Variants in TRIM62 observed in about 807,000 individuals in gnomAD.
TRIM62 encodes tripartite motif containing 62, also known as E3 ubiquitin-protein ligase TRIM62.
A neutral mutation model predicts 44.2 loss-of-function variants in TRIM62; 39 were observed. The observed-to-expected ratio is 0.88, with a 90% CI of 0.68 to 1.15. The LOEUF (loss-of-function observed/expected upper bound fraction) is 1.15, where lower values mean the gene tolerates loss of function less well. TRIM62 is among the 50% of genes most tolerant of loss of function. The pLI is 0.00. For synonymous variants in TRIM62, 278 were observed against 292.3 expected, an observed-to-expected ratio of 0.95 and a Z score of 0.50; for missense variants, 544 against 665.5, an observed-to-expected ratio of 0.82 and a Z score of 2.01.
At chr1:33,172,552 G>C (rs990689209) in intron 1 of TRIM62, among the ~76,000 whole-genome samples, 1 of 152,170 alleles carries the variant, frequency 6.6e-6, no homozygotes, top group Non-Finnish European at 1.5e-5. Context: ...TCGGAGCGGG[G>C]GTGGGCCGGG....
intron 1 of TRIM62, among the ~76,000 whole-genome samples, chr1:33,179,791 A>G (rs956036538): frequency 1.3e-5 from 2 of 152,232 alleles, no homozygotes; most frequent in African/African-American, 4.8e-5. Context: ...TAGCTTGAAA[A>G]AAGGATTCCA....
At chr1:33,151,199 G>A (rs1178782280) in intron 4 of TRIM62, among the ~76,000 whole-genome samples, 2 of 152,134 alleles carry the variant, frequency 1.3e-5, no homozygotes, top group East Asian at 3.8e-4. Context: ...AGGAAATCCT[G>A]ACCCAGTGAA....
Position 33,165,808 on chromosome 1 carries a change from A to C in TRIM62, c.409-242T>G, listed in dbSNP as rs1175737940. The C allele has an allele frequency of 2.8e-6, 1 of 362,952 alleles. No individual in the cohort carries two copies. The highest frequency in any genetic ancestry group is 5.0e-6 in the Non-Finnish European group (1 of 200,638). 22.5% of individuals were successfully genotyped at this position (362,952 alleles called of 1,614,324 possible). ...ACCTCCTCCTCTTTGGCCACCCTAG[A>C]GGCTTCTGTGACAATCGACTTCCAC... is the stretch of plus-strand genomic sequence containing the variant. On this transcript the variant is annotated intron_variant, in intron 1 of 4. Coordinates refer to ENST00000291416, the MANE Select transcript of TRIM62 (RefSeq NM_018207.3). The surrounding 1 kb of genome is among the most constrained non-coding windows in gnomAD (Gnocchi z 4.0).
chr1:33,151,963 G>T (rs192223625), intron 4 of TRIM62, among the ~76,000 whole-genome samples: 1 of 152,232 alleles, frequency 6.6e-6, no homozygotes, highest in Non-Finnish European at 1.5e-5. Context: ...AACATGAAAG[G>T]CTGGCTGTAA....
chr1:33,178,323 C>A (rs575661556), intron 1 of TRIM62, among the ~76,000 whole-genome samples: 2 of 152,286 alleles, frequency 1.3e-5, no homozygotes, highest in South Asian at 2.1e-4. Context: ...AGCTAATAAG[C>A]CTTGCCTTCC....
At chr1:33,152,238 C>T (rs1645109595) in intron 4 of TRIM62, among the ~76,000 whole-genome samples, 3 of 152,228 alleles carry the variant, frequency 2.0e-5, no homozygotes, top group Admixed American at 1.3e-4. Context: ...ACATCATGCT[C>T]TTCCCAGCAT....
At chr1:33,150,007 G>C (rs12089556) in intron 4 of TRIM62, among the ~76,000 whole-genome samples, 2,277 of 152,260 alleles carry the variant, frequency 0.015, 37 homozygotes, top group African/African-American at 0.047. Flanking sequence ...GCTCTGGGCT[G>C]GCCACACCGG....
At position 33,161,252 on chromosome 1, in the gene TRIM62, A is replaced by T. The variant is rs1645262163; in HGVS notation, c.505-1308T>A. Among the ~76,000 whole-genome samples, 1 of 152,136 alleles carries T rather than the reference A, an allele frequency of 6.6e-6. No homozygotes were observed. On this transcript the variant is annotated intron_variant, in intron 2 of 4. Transcript: ENST00000291416. This position sits in a 1 kb window ranked among gnomAD's most constrained non-coding sequence, Gnocchi z 4.3. ...GAGACGGGTTCTGAGCCGGGGCCTG[A>T]GGGATGGGCAGGATGTCAGTTGGGG...
chr1:33,151,189 A>T (rs992362798), intron 4 of TRIM62, among the ~76,000 whole-genome samples: 3 of 152,066 alleles, frequency 2.0e-5, no homozygotes, highest in African/African-American at 7.3e-5. Flanking sequence ...TGCAGATTGG[A>T]GGAAATCCTG....
At chr1:33,175,771 T>C (rs961627643) in intron 1 of TRIM62, among the ~76,000 whole-genome samples, 1 of 152,062 alleles carries the variant, frequency 6.6e-6, no homozygotes, top group Non-Finnish European at 1.5e-5. Flanking sequence ...AAAAAATCCT[T>C]GTGAGAATCA....
intron 1 of TRIM62, among the ~76,000 whole-genome samples, chr1:33,169,379 C>A (rs565745549): frequency 6.6e-6 from 1 of 152,370 alleles, no homozygotes; most frequent in South Asian, 2.1e-4. Context: ...TCTCTCCTCT[C>A]TATGCGTGCT....
At chr1:33,158,436 C>A in intron 3 of TRIM62, 68 bp from the exon 4 acceptor site, 2 of 1,263,842 alleles carry the variant, frequency 1.6e-6, no homozygotes. Context: ...AGGGGCCCCG[C>A]AGCCACCTTC....
At position 33,165,409 on chromosome 1, in the gene TRIM62, CGCCCCTCGAA is replaced by C; in HGVS notation, c.504+52_504+61del. ...CCCGCCCCTCTTCCCCAGCTGGCCCCGCCCCTCGAAGCCCTGCCCTCATCTCTGCCGGCCC... is the reference window on the plus strand; with the variant it reads ...CCCGCCCCTCTTCCCCAGCTGGCCCCGCCCTGCCCTCATCTCTGCCGGCCC... On this transcript the variant is annotated intron_variant, in intron 2 of 4. Coordinates refer to ENST00000291416, the MANE Select transcript of TRIM62 (RefSeq NM_018207.3). The surrounding 1 kb of genome is among the most constrained non-coding windows in gnomAD (Gnocchi z 4.0). 6.9e-7 allele frequency: 1 copy of C among 1,453,330 alleles called. No individual in the cohort carries two copies. The highest frequency in any genetic ancestry group is 9.3e-7 in the Non-Finnish European group (1 of 1,074,482). The allele number at this position is 1,453,330 out of a possible 1,614,324, so 90.0% of individuals were successfully genotyped here. A position where few individuals can be genotyped will look rare whatever the true frequency, so the allele number is the denominator to read the frequency against.
At chr1:33,157,200 C>T (rs114834184) in intron 4 of TRIM62, among the ~76,000 whole-genome samples, 456 of 152,308 alleles carry the variant, frequency 3.0e-3, no homozygotes, top group Non-Finnish European at 5.1e-3. Context: ...GCCACTGCTA[C>T]CTTCTCAGTC....
chr1:33,172,111 C>T (rs1448079528), intron 1 of TRIM62, among the ~76,000 whole-genome samples: 2 of 152,184 alleles, frequency 1.3e-5, no homozygotes, highest in Non-Finnish European at 2.9e-5. Flanking sequence ...CCTAACAGCA[C>T]CTGCTCCATA....
chr1:33,171,853 C>T (rs1645377186), intron 1 of TRIM62, among the ~76,000 whole-genome samples: 1 of 152,166 alleles, frequency 6.6e-6, no homozygotes, highest in South Asian at 2.1e-4. Context: ...GCGATCTTGG[C>T]TCACTACAAC....
intron 1 of TRIM62, among the ~76,000 whole-genome samples, chr1:33,180,788 T>C (rs915734622): frequency 6.6e-6 from 1 of 151,576 alleles, no homozygotes; most frequent in African/African-American, 2.4e-5. Context: ...TCCAGGTCTG[T>C]CTCAGATCCC....
rs1210301937 is a variant in TRIM62, at chr1:33,181,203, G to A, written c.230C>T (p.Ser77Phe). The A allele has an allele frequency of 6.3e-7, 1 of 1,584,622 alleles. No individual in the cohort carries two copies. Among genetic ancestry groups the A allele is most frequent in the African/African-American group, 1.3e-5 (1 of 74,436 alleles). The part of the protein sequence containing the change: ...KLANIVERYS[S>F]FPLDAILNAR... The stretch of plus-strand genomic sequence containing the variant: ...GTTGAGGATGGCGTCCAGCGGGAAG[G>A]AGCTGTAGCGCTCCACGATGTTGGC... Residue 77 changes from serine to phenylalanine, a missense_variant, in exon 1 of 5, where the codon TCC (serine) becomes TTC (phenylalanine). Coordinates refer to ENST00000291416, the MANE Select transcript of TRIM62 (RefSeq NM_018207.3). This position sits in a 1 kb window ranked among gnomAD's most constrained non-coding sequence, Gnocchi z 6.5.
rs202226050 is a variant in TRIM62, at chr1:33,159,829, G to A, written c.620C>T (p.Thr207Met). 5.2e-5 allele frequency: 84 copies of A among 1,613,590 alleles called. No individual in the cohort carries two copies. Among genetic ancestry groups the A allele is most frequent in the Non-Finnish European group, 6.6e-5 (78 of 1,179,998 alleles). ...GACTTTCTGCTCGATGTCGGTCAGC[G>A]TGCGGGCCGTGTCCGCCTCCAGCTC... ...LEELEADTAR[T>M]LTDIEQKVQR... Residue 207 changes from threonine (T) to methionine (M), a missense_variant, in exon 3 of 5, where the codon ACG (threonine) becomes ATG (methionine). Thr to Met is a moderately conservative substitution (Grantham distance 81). Transcript: ENST00000291416. This position sits in a 1 kb window ranked among gnomAD's most constrained non-coding sequence, Gnocchi z 4.2.
Sources: allele counts gnomAD v4.1 joint callset (sites outside exome capture counted in the v4.1 genomes callset), GRCh38; gene constraint gnomAD v4.1.1; non-coding constraint Gnocchi (gnomAD v3.1); transcripts MANE v1.5; gene names NCBI Gene and HGNC (gene_info 2026-07-23, HGNC 2026-07-21).